The following ITGB6 variants were observed in gnomAD, a reference collection of about 807,000 sequenced individuals.
ITGB6 encodes the protein integrin subunit beta 6.
ITGB6 carries 80 observed loss-of-function variants against 84.5 expected under a neutral mutation model. That is an observed-to-expected ratio of 0.95 (90% CI 0.79 to 1.14). The LOEUF (loss-of-function observed/expected upper bound fraction) is 1.14, where lower values mean the gene tolerates loss of function less well. Among genes scored for constraint, ITGB6 ranks in the 50% most tolerant of loss-of-function variants. The probability of loss-of-function intolerance (pLI) is 0.00; values close to 1 mark genes in which losing one functional copy is unlikely to be tolerated. For missense variants in ITGB6, 1,006 were observed against 968.0 expected, an observed-to-expected ratio of 1.04 and a Z score of -0.52; for synonymous variants, 383 against 354.9, an observed-to-expected ratio of 1.08 and a Z score of -0.89.
chr2:160,169,299 T>G lies in ITGB6; in HGVS notation c.930A>C (p.Pro310=), dbSNP rs749752085. ...EYSMSTVLEY[P]TIGQLIDKLV... is the part of the protein sequence containing the mutation. ...GTTTATCAATGAGTTGTCCAATTGT[T>G]GGATATTCCTAAAATTAACATATAT... Residue 310 remains proline, a synonymous_variant, in exon 7 of 15, where the codon CCA becomes CCC. Transcript: ENST00000283249. 5 of 1,560,624 alleles carry G rather than the reference T, an allele frequency of 3.2e-6. No individual in the cohort carries two copies. Among genetic ancestry groups the G allele is most frequent in the Non-Finnish European group, 4.4e-6 (5 of 1,140,552 alleles).
intron 12 of ITGB6, among the ~76,000 whole-genome samples, chr2:160,119,925 A>C (rs543832026): frequency 0.024 from 3,730 of 152,300 alleles, 146 homozygotes; most frequent in African/African-American, 0.085. Flanking sequence ...AATGCTCATC[A>C]TCACGGGCCA....
Position 160,101,469 on chromosome 2 carries a change from T to C in ITGB6, c.*267A>G. The stretch of plus-strand genomic sequence containing the variant: ...ATGCAAATCAGGCCCCCATGAATCA[T>C]TTGATGATTTTTTGAAGCATTAATG... On this transcript the variant is annotated 3_prime_UTR_variant, in exon 15 of 15. Coordinates refer to ENST00000283249, the MANE Select transcript of ITGB6 (RefSeq NM_000888.5). 2.8e-6 allele frequency: 1 copy of C among 361,512 alleles called. No individual in the cohort carries two copies. The highest frequency in any genetic ancestry group is 3.3e-5 in the South Asian group (1 of 29,880). The allele number at this position is 361,512 out of a possible 1,614,324, so 22.4% of individuals were successfully genotyped here.
At chr2:160,151,888 C>T (rs1684435963) in intron 7 of ITGB6, among the ~76,000 whole-genome samples, 1 of 152,118 alleles carries the variant, frequency 6.6e-6, no homozygotes, top group Non-Finnish European at 1.5e-5. Flanking sequence ...CCTCCCAAGC[C>T]TAAACCAGGA....
intron 7 of ITGB6, among the ~76,000 whole-genome samples, chr2:160,159,999 C>T (rs182783285): frequency 2.6e-5 from 4 of 152,180 alleles, no homozygotes; most frequent in East Asian, 3.9e-4. Context: ...GCTTGACACA[C>T]GGAAAACACA....
At chr2:160,131,245 G>A (rs1293344172) in intron 10 of ITGB6, among the ~76,000 whole-genome samples, 1 of 152,104 alleles carries the variant, frequency 6.6e-6, no homozygotes, top group Non-Finnish European at 1.5e-5. Context: ...AATATCATTT[G>A]CCTGATAGTT....
chr2:160,119,817 C>A (rs1682950571), intron 12 of ITGB6, among the ~76,000 whole-genome samples: 1 of 151,904 alleles, frequency 6.6e-6, no homozygotes, highest in Non-Finnish European at 1.5e-5. Context: ...AACAAATTTA[C>A]AAGAAAAAAA....
chr2:160,153,468 C>G (rs1684506112), intron 7 of ITGB6, among the ~76,000 whole-genome samples: 4 of 152,094 alleles, frequency 2.6e-5, no homozygotes. Context: ...AATATTAAAC[C>G]TAAAACCATA....
chr2:160,144,124 A>G (rs1314590260), intron 7 of ITGB6, among the ~76,000 whole-genome samples: 2 of 152,150 alleles, frequency 1.3e-5, no homozygotes, highest in Non-Finnish European at 2.9e-5. Context: ...CTGTAGCTCA[A>G]ACTCCTAGGC....
At position 160,200,017 on chromosome 2, in the gene ITGB6, T is replaced by A; in HGVS notation, c.47A>T (p.Asn16Ile). ...GCAGGTCTTACCTTGTACGTGATCA[T>A]TCCTTCCTAGAAATAGAAAGAACAG... ...LCLFFLFLGR[N>I]DHVQGGCALG... Residue 16 changes from asparagine (N) to isoleucine (I), a missense_variant, in exon 1 of 15, where the codon AAT becomes ATT. By Grantham distance (149) the Asn-to-Ile change is moderately radical. Coordinates refer to ENST00000283249, the MANE Select transcript of ITGB6 (RefSeq NM_000888.5). 1 of 1,613,632 alleles carries A rather than the reference T, an allele frequency of 6.2e-7. No individual in the cohort carries two copies.
chr2:160,130,326 C>A (rs2357774), intron 10 of ITGB6, among the ~76,000 whole-genome samples: 89,436 of 151,740 alleles, frequency 0.59, 26,879 homozygotes, highest in African/African-American at 0.71. Context: ...TATTCTCTCT[C>A]TATATATATT....
intron 4 of ITGB6, among the ~76,000 whole-genome samples, chr2:160,189,278 A>T (rs1483971038): frequency 6.6e-6 from 1 of 152,240 alleles, no homozygotes; most frequent in Admixed American, 6.5e-5. Flanking sequence ...AATACCATTC[A>T]GGACATAGGC....
intron 10 of ITGB6, among the ~76,000 whole-genome samples, chr2:160,132,724 G>T (rs916670458): frequency 6.6e-6 from 1 of 152,092 alleles, no homozygotes; most frequent in African/African-American, 2.4e-5. Flanking sequence ...ACTTATATAT[G>T]TGTGCATATA....
intron 10 of ITGB6, among the ~76,000 whole-genome samples, chr2:160,135,675 A>C (rs1413004145): frequency 4.6e-5 from 7 of 151,544 alleles, no homozygotes; most frequent in South Asian, 2.1e-4. Flanking sequence ...TACAGTAACC[A>C]AAACAGCATG....
At chr2:160,129,304 C>T (rs1311410627) in intron 10 of ITGB6, among the ~76,000 whole-genome samples, 1 of 151,042 alleles carries the variant, frequency 6.6e-6, no homozygotes, top group Non-Finnish European at 1.5e-5. Flanking sequence ...ATTCTGGGTG[C>T]CTGCCATGCG....
At chr2:160,149,462 A>G (rs1684330123) in intron 7 of ITGB6, among the ~76,000 whole-genome samples, 1 of 152,248 alleles carries the variant, frequency 6.6e-6, no homozygotes. Flanking sequence ...CACCAACATC[A>G]AAGACCAAAG....
At chr2:160,150,352 A>C (rs1684365877) in intron 7 of ITGB6, among the ~76,000 whole-genome samples, 1 of 152,204 alleles carries the variant, frequency 6.6e-6, no homozygotes, top group African/African-American at 2.4e-5. Context: ...ATATCCAGCC[A>C]AACTAAGCTT....
intron 6 of ITGB6, among the ~76,000 whole-genome samples, chr2:160,169,796 A>G (rs1685136986): frequency 6.6e-6 from 1 of 152,236 alleles, no homozygotes; most frequent in Non-Finnish European, 1.5e-5. Flanking sequence ...ATGACATACT[A>G]TGACATTCCC....
chr2:160,117,010 A>G (rs960475593), intron 12 of ITGB6, among the ~76,000 whole-genome samples: 25 of 151,574 alleles, frequency 1.6e-4, no homozygotes, highest in African/African-American at 6.1e-4. Context: ...CCAGATTCAT[A>G]AAGCAAGTCC....
rs1487949347 is a variant in ITGB6, at chr2:160,126,490, C to T, written c.1772G>A (p.Cys591Tyr). 6.2e-6 allele frequency: 10 copies of T among 1,614,080 alleles called. No homozygotes were observed. Among genetic ancestry groups the T allele is most frequent in the Non-Finnish European group, 8.5e-6 (10 of 1,180,032 alleles). Residue 591 changes from cysteine (C) to tyrosine (Y), a missense_variant, in exon 11 of 15, where the codon TGC (cysteine) becomes TAC (tyrosine). Coordinates refer to ENST00000283249, the MANE Select transcript of ITGB6 (RefSeq NM_000888.5). The part of the protein sequence containing the change: ...DSCVSEDGVL[C>Y]SGRGDCVCGK... ...ACAAACACAGTCCCCGCGCCCGCTG[C>T]AGAGCACTCCATCTTCAGAGACGCA...
Sources: allele counts gnomAD v4.1 joint callset (sites outside exome capture counted in the v4.1 genomes callset), GRCh38; gene constraint gnomAD v4.1.1; transcripts MANE v1.5; gene names NCBI Gene and HGNC (gene_info 2026-07-23, HGNC 2026-07-21).